The following PRKD1 variants were observed in gnomAD, a reference collection of about 807,000 sequenced individuals.
The protein encoded by PRKD1 is serine/threonine-protein kinase D1.
In PRKD1, 63 loss-of-function variants were observed where a neutral mutation model predicts 95.9. The observed-to-expected ratio is 0.66, with a 90% CI of 0.54 to 0.81. PRKD1 has a LOEUF of 0.81. Among genes scored for constraint, PRKD1 ranks in the 30% least tolerant of loss-of-function variants. The pLI is 0.00. For missense variants in PRKD1, 1,048 were observed against 1,165.3 expected (o/e 0.90, Z 1.47); for synonymous variants, 425 against 423.1 (o/e 1.00, Z -0.05).
chr14:29,798,629 A>G (rs1889908560), intron 1 of PRKD1, among the ~76,000 whole-genome samples: 2 of 152,322 alleles, frequency 1.3e-5, no homozygotes, highest in Non-Finnish European at 2.9e-5. Context: ...ATAAATATTC[A>G]TAATTGTAGT....
At chr14:29,697,923 A>G (rs1884621727) in intron 2 of PRKD1, among the ~76,000 whole-genome samples, 1 of 152,214 alleles carries the variant, frequency 6.6e-6, no homozygotes, top group African/African-American at 2.4e-5. Context: ...AAACTTGTAG[A>G]GCAGTATCTG....
intron 1 of PRKD1, among the ~76,000 whole-genome samples, chr14:29,857,825 A>C (rs759320100): frequency 6.6e-6 from 1 of 152,174 alleles, no homozygotes; most frequent in East Asian, 1.9e-4. Context: ...AACCAAAACT[A>C]GCTTATTTAA....
At chr14:29,926,670 T>C (rs1451499179) in intron 1 of PRKD1, among the ~76,000 whole-genome samples, 2 of 152,200 alleles carry the variant, frequency 1.3e-5, no homozygotes, top group African/African-American at 2.4e-5. Context: ...GTTTTGTCGT[T>C]GGAAAATGTG....
At chr14:29,896,356 ATG>A (rs1894123973) in intron 1 of PRKD1, among the ~76,000 whole-genome samples, 1 of 135,178 alleles carries the variant, frequency 7.4e-6, no homozygotes, top group African/African-American at 3.0e-5. Context: ...TTCTACAGGC[ATG>A]TGTGTGTACA....
chr14:29,926,946 G>A (rs1895321146), intron 1 of PRKD1, among the ~76,000 whole-genome samples: 1 of 151,880 alleles, frequency 6.6e-6, no homozygotes, highest in Non-Finnish European at 1.5e-5. Flanking sequence ...GAGGGGCGCG[G>A]CGAGGAAAGG....
chr14:29,599,330 G>A (rs1253882600), intron 14 of PRKD1, among the ~76,000 whole-genome samples: 7 of 152,180 alleles, frequency 4.6e-5, no homozygotes, highest in African/African-American at 1.4e-4. Context: ...CAGCGGCCAA[G>A]ACAGATGTAG....
At chr14:29,849,259 C>T (rs1296303474) in intron 1 of PRKD1, among the ~76,000 whole-genome samples, 2 of 152,204 alleles carry the variant, frequency 1.3e-5, no homozygotes, top group African/African-American at 4.8e-5. Flanking sequence ...CATGTGAAGA[C>T]ATGCGTGCCC....
intron 1 of PRKD1, among the ~76,000 whole-genome samples, chr14:29,752,272 G>T (rs1168273768): frequency 6.6e-6 from 1 of 152,014 alleles, no homozygotes; most frequent in Non-Finnish European, 1.5e-5. Context: ...TTTTCAGAGA[G>T]TCAGTTGTTA....
At chr14:29,724,573 G>A (rs1393790555) in intron 2 of PRKD1, among the ~76,000 whole-genome samples, 1 of 152,160 alleles carries the variant, frequency 6.6e-6, no homozygotes, top group Non-Finnish European at 1.5e-5. Context: ...AGATAAAAAA[G>A]AGAACTAGAC....
intron 1 of PRKD1, among the ~76,000 whole-genome samples, chr14:29,911,159 A>G (rs1364664514): frequency 6.6e-6 from 1 of 152,330 alleles, no homozygotes; most frequent in Admixed American, 6.5e-5. Flanking sequence ...TTAGGTGTGT[A>G]AGAACTACTT....
intron 13 of PRKD1, among the ~76,000 whole-genome samples, chr14:29,618,176 C>A (rs747457715): frequency 1.3e-5 from 2 of 151,994 alleles, no homozygotes; most frequent in Non-Finnish European, 2.9e-5. Flanking sequence ...TTATTTTTAT[C>A]TTGACATGAA....
At chr14:29,699,268 C>T (rs568857694) in intron 2 of PRKD1, among the ~76,000 whole-genome samples, 1 of 152,278 alleles carries the variant, frequency 6.6e-6, no homozygotes, top group East Asian at 1.9e-4. Flanking sequence ...ACCAATTTAC[C>T]TTCCAACCAA....
chr14:29,778,999 A>G (rs1888906481), intron 1 of PRKD1, among the ~76,000 whole-genome samples: 1 of 152,168 alleles, frequency 6.6e-6, no homozygotes, highest in South Asian at 2.1e-4. Flanking sequence ...AAATCAATAA[A>G]CGTAATCCAG....
rs35760417 is a variant in PRKD1 at position 29,720,887 on chromosome 14, GT to G, written c.403+4648del. 4.9e-4 allele frequency among the ~76,000 whole-genome samples: 75 copies of G among 152,208 alleles called. 1 individual carries two copies. Among genetic ancestry groups the G allele is most frequent in the South Asian group, 1.0e-3 (5 of 4,830 alleles). On this transcript the variant is annotated intron_variant, in intron 2 of 17. Transcript: ENST00000331968. ...ATGATACTACCTTCCTGAGAAATTAGTTCTTCAGCCCCTCAGATAAGTACCT... is the reference window on the plus strand; with the variant it reads ...ATGATACTACCTTCCTGAGAAATTAGTCTTCAGCCCCTCAGATAAGTACCT...
intron 1 of PRKD1, among the ~76,000 whole-genome samples, chr14:29,828,270 C>G (rs73259602): frequency 1.1e-3 from 166 of 152,226 alleles, no homozygotes; most frequent in African/African-American, 3.8e-3. Context: ...AGTTTACAAT[C>G]ATGGCAGAAG....
intron 13 of PRKD1, among the ~76,000 whole-genome samples, chr14:29,607,680 T>G (rs1878091519): frequency 6.6e-6 from 1 of 151,244 alleles, no homozygotes; most frequent in South Asian, 2.2e-4. Context: ...TCATCTCTTC[T>G]GCCTCCAGCT....
intron 1 of PRKD1, among the ~76,000 whole-genome samples, chr14:29,926,924 C>T (rs1895320394): frequency 6.6e-6 from 1 of 151,976 alleles, no homozygotes; most frequent in South Asian, 2.1e-4. Flanking sequence ...ACTGGGAAGT[C>T]TCAAGGACAA....
At chr14:29,664,024 T>C (rs1882341743) in intron 3 of PRKD1, among the ~76,000 whole-genome samples, 165 bp from the exon 4 acceptor site, 2 of 152,200 alleles carry the variant, frequency 1.3e-5, no homozygotes, top group African/African-American at 2.4e-5. Flanking sequence ...TTTTTTCCAA[T>C]TTGTTAATGG....
chr14:29,628,674 AT>A (rs1421934448), intron 11 of PRKD1, among the ~76,000 whole-genome samples: 1 of 152,182 alleles, frequency 6.6e-6, no homozygotes, highest in African/African-American at 2.4e-5. Flanking sequence ...GAACAATGGC[AT>A]TTTTAAGCTA....
Sources: allele counts gnomAD v4.1 joint callset (sites outside exome capture counted in the v4.1 genomes callset), GRCh38; gene constraint gnomAD v4.1.1; transcripts MANE v1.5; gene names NCBI Gene and HGNC (gene_info 2026-07-23, HGNC 2026-07-21).